Variants in ACSM3 observed in about 807,000 individuals in gnomAD.
The protein encoded by ACSM3 is acyl-CoA synthetase medium chain family member 3, also known as acyl-coenzyme A synthetase ACSM3, mitochondrial.
A neutral mutation model predicts 74.1 loss-of-function variants in ACSM3; 61 were observed. That is an observed-to-expected ratio of 0.82 (90% CI 0.67 to 1.02). The LOEUF (loss-of-function observed/expected upper bound fraction) is 1.02. Ranked by LOEUF, ACSM3 falls within the 50% of genes least tolerant of loss-of-function variation. The probability of loss-of-function intolerance (pLI) is 0.00; values close to 1 mark genes in which losing one functional copy is unlikely to be tolerated. For missense variants in ACSM3, 660 were observed against 697.0 expected (o/e 0.95, Z 0.60); for synonymous variants, 213 against 241.5 (o/e 0.88, Z 1.09).
chr16:20,780,970 C>T lies in ACSM3; in HGVS notation c.783-4C>T, dbSNP rs762144103. ...TACATCAGGGCTACTCTTTGTTTTC[C>T]CAGGTTCTGGCTAGATTTGACACCC... is the stretch of plus-strand genomic sequence containing the variant. On this transcript the variant is annotated splice_region_variant and splice_polypyrimidine_tract_variant and intron_variant, in intron 5 of 13. Transcript: ENST00000289416. The T allele has an allele frequency of 6.8e-6, 11 of 1,613,902 alleles. No individual in the cohort carries two copies. Among genetic ancestry groups the T allele is most frequent in the South Asian group, 1.1e-5 (1 of 91,038 alleles).
At chr16:20,783,099 G>A (rs1219039753) in intron 7 of ACSM3, among the ~76,000 whole-genome samples, 1 of 152,192 alleles carries the variant, frequency 6.6e-6, no homozygotes, top group Non-Finnish European at 1.5e-5. Flanking sequence ...TCCTGGCTTA[G>A]TCTTTCTTGT....
At chr16:20,792,415 G>C (rs2080624037) in intron 12 of ACSM3, 80 bp downstream of exon 12, 1 of 1,578,374 alleles carries the variant, frequency 6.3e-7, no homozygotes, top group Non-Finnish European at 8.7e-7. Context: ...CAGTGAAACA[G>C]AATTAACCAA....
chr16:20,760,936 C>A (rs542481295), upstream of ACSM3, among the ~76,000 whole-genome samples: 1 of 152,292 alleles, frequency 6.6e-6, no homozygotes, highest in East Asian at 1.9e-4. Context: ...CGCAACCCCC[C>A]ACCCTTTACC....
At chr16:20,691,770 T>C (rs1002351077) in intron 1 of ACSM3, among the ~76,000 whole-genome samples, 5 of 70,796 alleles carry the variant, frequency 7.1e-5, no homozygotes, top group South Asian at 4.4e-4. Context: ...TGTGTGTGTG[T>C]GTGTGTGTGT....
chr16:20,699,576 G>A (rs938369718), intron 1 of ACSM3, among the ~76,000 whole-genome samples: 4 of 152,048 alleles, frequency 2.6e-5, no homozygotes, highest in South Asian at 2.1e-4. Flanking sequence ...ACAAAGAAAC[G>A]AACAAACAAA....
chr16:20,688,082 C>G (rs1175510742), intron 1 of ACSM3, among the ~76,000 whole-genome samples: 1 of 144,968 alleles, frequency 6.9e-6, no homozygotes, highest in African/African-American at 2.6e-5. Context: ...AAAACTCTGT[C>G]TCAAAAAAAA....
chr16:20,794,701 C>T (rs2080681988), intron 12 of ACSM3, among the ~76,000 whole-genome samples: 2 of 152,206 alleles, frequency 1.3e-5, no homozygotes, highest in African/African-American at 4.8e-5. Context: ...TGATGACTTA[C>T]TATGTGCCAG....
intron 1 of ACSM3, chr16:20,719,479 TGG>T (rs963559478): frequency 9.3e-5 from 18 of 194,524 alleles, no homozygotes; most frequent in African/African-American, 4.2e-4. Context: ...CCAGGCTTCT[TGG>T]GCTTCTGGAA....
chr16:20,752,191 CA>C (rs879471716), intron 2 of ACSM3, among the ~76,000 whole-genome samples: 47 of 141,622 alleles, frequency 3.3e-4, no homozygotes, highest in Non-Finnish European at 3.1e-4. Flanking sequence ...CTCTGTCTCA[CA>C]AAAAAAAAAA....
chr16:20,740,055 C>G (rs573062174), intron 1 of ACSM3, among the ~76,000 whole-genome samples: 1 of 152,210 alleles, frequency 6.6e-6, no homozygotes, highest in Admixed American at 6.5e-5. Flanking sequence ...AATTAAAAAC[C>G]CTTACTCTTG....
intron 1 of ACSM3, chr16:20,739,172 A>T: frequency 1.8e-6 from 2 of 1,136,422 alleles, no homozygotes; most frequent in Non-Finnish European, 1.2e-6. Flanking sequence ...GTGGCTCAGT[A>T]TTGATTTTTT....
At chr16:20,786,252 T>C (rs2080473364) in intron 9 of ACSM3, 94 bp downstream of exon 9, 1 of 1,493,678 alleles carries the variant, frequency 6.7e-7, no homozygotes, top group Non-Finnish European at 8.9e-7. Flanking sequence ...TTTGTTATGA[T>C]GGTGATTCCA....
chr16:20,741,915 T>A, intron 1 of ACSM3: 2 of 1,533,878 alleles, frequency 1.3e-6, no homozygotes, highest in Non-Finnish European at 1.7e-6. Context: ...GTGAAAGGGG[T>A]GGAGTGATAC....
intron 1 of ACSM3, among the ~76,000 whole-genome samples, chr16:20,717,710 G>T (rs1219390981): frequency 2.6e-5 from 4 of 151,198 alleles, no homozygotes; most frequent in African/African-American, 9.7e-5. Flanking sequence ...AAAGCACTTG[G>T]AAAAAAAATC....
rs1252005474 is a variant in ACSM3, at chr16:20,789,492, A to G, written c.1225-1095A>G. On this transcript the variant is annotated intron_variant, in intron 9 of 13. Transcript: ENST00000289416. ...TGGCTTACTTACCATTGTCAACCAG[A>G]GAATATTCCCCTTTTCCTGTTTACT... 7 of 1,612,854 alleles carry G rather than the reference A, an allele frequency of 4.3e-6. No individual in the cohort carries two copies. In the African/African-American group the frequency reaches 9.3e-5, roughly 22 times the overall value.
intron 3 of ACSM3, among the ~76,000 whole-genome samples, chr16:20,758,456 T>C (rs1237607357): frequency 6.6e-6 from 1 of 152,098 alleles, no homozygotes; most frequent in African/African-American, 2.4e-5. Flanking sequence ...TGGTAGTTTG[T>C]ATTTCTGTGG....
chr16:20,747,333 A>G (rs2079962080), intron 1 of ACSM3, among the ~76,000 whole-genome samples: 1 of 152,170 alleles, frequency 6.6e-6, no homozygotes, highest in South Asian at 2.1e-4. Flanking sequence ...TCTGTACAGC[A>G]TGGCAAGGTC....
At position 20,698,026 on chromosome 16, in the gene ACSM3, C is replaced by G. The variant is rs904231233; in HGVS notation, c.-190+23204C>G. Among the ~76,000 whole-genome samples, 5 of 151,900 alleles carry G rather than the reference C, an allele frequency of 3.3e-5. No homozygotes were observed. The East Asian group carries it at 9.7e-4, about 30-fold the overall frequency. ...TGGCTAACACGGTGAAACCCCGTCTCTACTAAAAATACAAAAAATTAGCCG... is the reference window on the plus strand; with the variant it reads ...TGGCTAACACGGTGAAACCCCGTCTGTACTAAAAATACAAAAAATTAGCCG... On this transcript the variant is annotated intron_variant, in intron 1 of 3. Transcript: ENST00000561584.
At chr16:20,711,537 A>T in intron 1 of ACSM3, 2 of 1,425,126 alleles carry the variant, frequency 1.4e-6, no homozygotes, top group South Asian at 1.2e-5. Flanking sequence ...GGCTGCAAGC[A>T]TCCAAGGCCA....
Sources: allele counts gnomAD v4.1 joint callset (sites outside exome capture counted in the v4.1 genomes callset), GRCh38; gene constraint gnomAD v4.1.1; transcripts MANE v1.5; gene names NCBI Gene and HGNC (gene_info 2026-07-23, HGNC 2026-07-21).